Variants in SIK3 observed in about 807,000 individuals in gnomAD.
SIK3 encodes serine/threonine-protein kinase SIK3.
Under a neutral mutation model 144.2 loss-of-function variants are expected in SIK3, and 28 were observed. That is an observed-to-expected ratio of 0.19 (90% CI 0.14 to 0.27). The LOEUF (loss-of-function observed/expected upper bound fraction) is 0.27, where lower values mean the gene tolerates loss of function less well. Ranked by LOEUF, SIK3 falls within the 10% of genes least tolerant of loss-of-function variation. The probability of loss-of-function intolerance (pLI) is 1.00; values close to 1 mark genes in which losing one functional copy is unlikely to be tolerated. For missense variants in SIK3, 1,319 were observed against 1,776.0 expected (o/e 0.74, Z 4.62); for synonymous variants, 686 against 676.3 (o/e 1.01, Z -0.22).
chr11:116,845,652 G>C (rs990182922), intron 24 of SIK3, 23 bp from the exon 25 acceptor site: 4 of 152,234 alleles, frequency 2.6e-5, no homozygotes, highest in Admixed American at 1.3e-4. Flanking sequence ...AGACACAGAG[G>C]AGAATTAGTT....
intron 1 of SIK3, among the ~76,000 whole-genome samples, chr11:116,961,697 C>T (rs1949353815): frequency 6.6e-6 from 1 of 152,056 alleles, no homozygotes; most frequent in African/African-American, 2.4e-5. Flanking sequence ...CTAAGTTTGC[C>T]TGTTCTACAC....
intron 4 of SIK3, among the ~76,000 whole-genome samples, chr11:116,920,308 C>T (rs1362288219): frequency 6.6e-6 from 1 of 152,102 alleles, no homozygotes; most frequent in East Asian, 1.9e-4. Context: ...TCTTCCAATC[C>T]CCATTTTATT....
At chr11:116,993,696 G>A (rs1309409536) in intron 1 of SIK3, among the ~76,000 whole-genome samples, 2 of 152,168 alleles carry the variant, frequency 1.3e-5, no homozygotes, top group African/African-American at 4.8e-5. Context: ...TCAGCAGGGT[G>A]CAAGGGGAGG....
At chr11:116,927,145 G>C in intron 4 of SIK3, 74 bp downstream of exon 4, 1 of 1,085,518 alleles carries the variant, frequency 9.2e-7, no homozygotes, top group South Asian at 1.7e-5. Context: ...GATGGAAACA[G>C]ATAATCCCTT....
chr11:116,988,954 C>T (rs1208511899), intron 1 of SIK3, among the ~76,000 whole-genome samples: 2 of 149,886 alleles, frequency 1.3e-5, no homozygotes, highest in Non-Finnish European at 1.5e-5. Context: ...CAAAACAAAA[C>T]AAAAAAAAAC....
chr11:116,952,196 G>A (rs940608697), intron 3 of SIK3, among the ~76,000 whole-genome samples: 12 of 152,016 alleles, frequency 7.9e-5, no homozygotes, highest in Non-Finnish European at 1.5e-4. Context: ...TTGTAAAAAG[G>A]TATCTTCCAG....
At chr11:117,062,416 A>G (rs1953836125) in intron 1 of SIK3, among the ~76,000 whole-genome samples, 1 of 152,176 alleles carries the variant, frequency 6.6e-6, no homozygotes, top group Non-Finnish European at 1.5e-5. Flanking sequence ...GTGCATTTCC[A>G]TTGGCCCTCT....
chr11:116,858,759 C>A lies in SIK3; in HGVS notation c.2766-60G>T. ...TAACAAGTACTAGACTTCCTGGGAACAGCTCCTCCTCCTCAGTAGGGAGAA... is the reference window on the plus strand; with the variant it reads ...TAACAAGTACTAGACTTCCTGGGAAAAGCTCCTCCTCCTCAGTAGGGAGAA... On this transcript the variant is annotated intron_variant, in intron 20 of 24. Transcript: ENST00000445177. The surrounding 1 kb of genome is among the most constrained non-coding windows in gnomAD (Gnocchi z 5.4). The A allele has an allele frequency of 6.6e-7, 1 of 1,510,478 alleles. No homozygotes were observed. Among genetic ancestry groups the A allele is most frequent in the African/African-American group, 1.4e-5 (1 of 71,716 alleles). 93.6% of individuals were successfully genotyped at this position (1,510,478 alleles called of 1,614,324 possible). A position where few individuals can be genotyped will look rare whatever the true frequency, so the allele number is the denominator to read the frequency against.
At chr11:117,025,977 GA>G (rs533828086) in intron 1 of SIK3, among the ~76,000 whole-genome samples, 3 of 151,298 alleles carry the variant, frequency 2.0e-5, no homozygotes, top group Non-Finnish European at 1.5e-5. Context: ...CATTTGTATT[GA>G]AAAAAAATGG....
intron 3 of SIK3, chr11:116,950,307 CAAAT>C (rs1438377065): frequency 5.7e-6 from 2 of 349,178 alleles, no homozygotes; most frequent in African/African-American, 2.2e-5. Context: ...GGAGAAGTGA[CAAAT>C]AAAAATTACA....
At chr11:116,934,724 C>T (rs776166817) in intron 3 of SIK3, among the ~76,000 whole-genome samples, 8 of 151,148 alleles carry the variant, frequency 5.3e-5, no homozygotes, top group East Asian at 2.0e-4. Context: ...CTATAATCCC[C>T]GCACTTAAAG....
rs1565568319 is a variant in SIK3 at position 117,023,624 on chromosome 11, AT to A, written c.274-66561del. 7.6e-3 allele frequency among the ~76,000 whole-genome samples: 755 copies of A among 99,842 alleles called. 28 individuals carry two copies. Among genetic ancestry groups the A allele is most frequent in the African/African-American group, 0.031 (649 of 21,114 alleles). 65.5% of individuals were successfully genotyped at this position (99,842 alleles called of 152,430 possible). A position where few individuals can be genotyped will look rare whatever the true frequency, so the allele number is the denominator to read the frequency against. On this transcript the variant is annotated intron_variant, in intron 1 of 24. Coordinates refer to ENST00000445177, the MANE Select transcript of SIK3 (RefSeq NM_001366686.3). ...AACAAACAAACAAAAAAAAAAAAAT[AT>A]ATATATATATATATATATATTGCAC...
chr11:116,943,864 G>A (rs992292076), intron 3 of SIK3, among the ~76,000 whole-genome samples: 1 of 151,100 alleles, frequency 6.6e-6, no homozygotes, highest in Non-Finnish European at 1.5e-5. Context: ...AAAATACAAT[G>A]TGTGCCATTT....
rs190951776 is a variant in SIK3 at position 116,882,833 on chromosome 11, A to G, written c.866-5791T>C. On this transcript the variant is annotated intron_variant, in intron 6 of 24. Transcript: ENST00000445177. ...AACTTCTTAAAAATGTTTACTTCTT[A>G]GTAATGAATTGCTTCTGGCACAATT... 3.9e-5 allele frequency among the ~76,000 whole-genome samples: 6 copies of G among 152,364 alleles called. No homozygotes were observed. The East Asian group carries it at 1.2e-3, about 29-fold the overall frequency.
chr11:117,017,795 ATCTG>A (rs1205309534), intron 1 of SIK3, among the ~76,000 whole-genome samples: 1 of 152,204 alleles, frequency 6.6e-6, no homozygotes, highest in Non-Finnish European at 1.5e-5. Context: ...CAGTTTCCTC[ATCTG>A]TCTGAGAAAA....
chr11:116,927,079 C>T, intron 4 of SIK3, 140 bp downstream of exon 4: 1 of 557,470 alleles, frequency 1.8e-6, no homozygotes, highest in South Asian at 3.5e-5. Context: ...AATTTTCAGG[C>T]TATTTTTTTT....
chr11:116,873,393 G>C, intron 13 of SIK3, 88 bp downstream of exon 13: 1 of 1,563,444 alleles, frequency 6.4e-7, no homozygotes, highest in Non-Finnish European at 8.8e-7. Context: ...CAGACATGTA[G>C]GTTGGCCCTG....
chr11:116,956,752 G>A (rs1445455398), intron 2 of SIK3, among the ~76,000 whole-genome samples, 196 bp downstream of exon 2: 7 of 152,112 alleles, frequency 4.6e-5, no homozygotes, highest in Non-Finnish European at 8.8e-5. Flanking sequence ...TAAGGAAAAC[G>A]TACTAGTAAA....
intron 1 of SIK3, among the ~76,000 whole-genome samples, chr11:117,048,581 T>C (rs1953073469): frequency 6.6e-6 from 1 of 151,858 alleles, no homozygotes; most frequent in Non-Finnish European, 1.5e-5. Flanking sequence ...ACCTGAACCC[T>C]AGAGGCGGAG....
Sources: gnomAD v4.1 joint callset for allele counts (sites outside exome capture counted in the v4.1 genomes callset) on GRCh38, gnomAD v4.1.1 for gene constraint, Gnocchi (gnomAD v3.1) non-coding constraint, MANE v1.5 for transcripts, NCBI Gene and HGNC (gene_info 2026-07-23, HGNC 2026-07-21) for gene names.